The following PDZD2 variants were observed in gnomAD, a reference collection of about 807,000 sequenced individuals.
PDZD2 encodes PDZ domain-containing protein 2.
PDZD2 carries 90 observed loss-of-function variants against 220.7 expected under a neutral mutation model. That is an observed-to-expected ratio of 0.41 (90% CI 0.34 to 0.49). The LOEUF (loss-of-function observed/expected upper bound fraction) is 0.49. PDZD2 is among the 20% of genes least tolerant of loss of function. PDZD2 has a pLI of 0.28. For missense variants in PDZD2, 3,174 were observed against 3,608.5 expected, an observed-to-expected ratio of 0.88 and a Z score of 3.08; for synonymous variants, 1,375 against 1,450.5, an observed-to-expected ratio of 0.95 and a Z score of 1.18.
chr5:31,826,400 C>T (rs1017466134), intron 2 of PDZD2, among the ~76,000 whole-genome samples: 11 of 152,084 alleles, frequency 7.2e-5, no homozygotes, highest in African/African-American at 1.4e-4. Context: ...AGGCCAGCCA[C>T]GGTGGTTCAT....
At chr5:31,828,713 C>G (rs1262810755) in intron 2 of PDZD2, among the ~76,000 whole-genome samples, 1 of 152,200 alleles carries the variant, frequency 6.6e-6, no homozygotes, top group Non-Finnish European at 1.5e-5. Context: ...GTTTCCCATA[C>G]TGGTCTCAAA....
intron 1 of PDZD2, among the ~76,000 whole-genome samples, chr5:31,645,482 G>C (rs554573206): frequency 6.6e-6 from 1 of 152,130 alleles, no homozygotes; most frequent in Admixed American, 6.5e-5. Context: ...GACTACAGGT[G>C]CGTGCCACCA....
Position 31,704,464 on chromosome 5 carries a change from A to G in PDZD2, c.-361+65027A>G, listed in dbSNP as rs74924844. 4.3e-3 allele frequency among the ~76,000 whole-genome samples: 662 copies of G among 152,280 alleles called. 5 individuals are homozygous for G. Among genetic ancestry groups the G allele is most frequent in the African/African-American group, 0.015 (624 of 41,540 alleles). On this transcript the variant is annotated intron_variant, in intron 1 of 24. Coordinates refer to ENST00000438447, the MANE Select transcript of PDZD2 (RefSeq NM_178140.4). ...AACAGCACACTGTGTGTACCTTCTC[A>G]TTTCAGTAAGGACCCTTCAAAATGT...
chr5:32,003,187 A>C (rs1267670578), intron 5 of PDZD2, among the ~76,000 whole-genome samples: 2 of 117,378 alleles, frequency 1.7e-5, no homozygotes, highest in African/African-American at 3.3e-5. Flanking sequence ...TACACCACAC[A>C]CACACTACAC....
chr5:31,786,121 A>C (rs1753364623), intron 1 of PDZD2, among the ~76,000 whole-genome samples: 1 of 152,088 alleles, frequency 6.6e-6, no homozygotes, highest in Admixed American at 6.6e-5. Flanking sequence ...TCCCACAGCA[A>C]GGCCTGGGAA....
chr5:32,084,210 C>G (rs1742234588), intron 19 of PDZD2, among the ~76,000 whole-genome samples: 1 of 152,224 alleles, frequency 6.6e-6, no homozygotes, highest in African/African-American at 2.4e-5. Context: ...AGTACGGTCT[C>G]CATGGGGATC....
At chr5:31,693,920 T>C (rs1468476924) in intron 1 of PDZD2, among the ~76,000 whole-genome samples, 1 of 152,166 alleles carries the variant, frequency 6.6e-6, no homozygotes, top group Non-Finnish European at 1.5e-5. Context: ...AACTCCTTCC[T>C]GCTTCCCAGG....
chr5:31,901,139 C>T (rs956495815), intron 2 of PDZD2, among the ~76,000 whole-genome samples: 10 of 152,036 alleles, frequency 6.6e-5, no homozygotes, highest in Non-Finnish European at 1.3e-4. Flanking sequence ...TGACTTTGGC[C>T]GGGCATGGTG....
At chr5:31,655,065 A>G (rs1340800280) in intron 1 of PDZD2, among the ~76,000 whole-genome samples, 1 of 152,144 alleles carries the variant, frequency 6.6e-6, no homozygotes, top group African/African-American at 2.4e-5. Flanking sequence ...GGTCTGATTC[A>G]AATGTCACCA....
At chr5:32,079,584 A>T (rs1407291320) in intron 19 of PDZD2, among the ~76,000 whole-genome samples, 1 of 151,982 alleles carries the variant, frequency 6.6e-6, no homozygotes, top group Non-Finnish European at 1.5e-5. Flanking sequence ...AGGTGGGTGG[A>T]TCCCCCGAGG....
At position 32,087,223 on chromosome 5, in the gene PDZD2, G is replaced by A; in HGVS notation, c.3775G>A (p.Val1259Ile). The A allele has an allele frequency of 6.2e-7, 1 of 1,614,094 alleles. No individual in the cohort carries two copies. Among genetic ancestry groups the A allele is most frequent in the Non-Finnish European group, 8.5e-7 (1 of 1,179,970 alleles). The change falls in exon 20 of 25, where the codon GTC becomes ATC. Residue 1259 changes from valine (V) to isoleucine (I), a missense_variant. Physicochemically the swap from Val to Ile is conservative, Grantham distance 29. Around this residue, in one of 4 missense-constraint regions of PDZD2, gnomAD observed 1,861 missense variants for 2,001.0 expected, o/e 0.93. Transcript: ENST00000438447. The surrounding 1 kb of genome is among the most constrained non-coding windows in gnomAD (Gnocchi z 4.0). ...CAAGACCTCTGTAGACACAGGGCAA[G>A]TCAGTCGGCCAGAGAATCCCAGCCA... ...PSKTSVDTGQ[V>I]SRPENPSQPA... is the part of the protein sequence containing the mutation.
At position 31,839,946 on chromosome 5, in the gene PDZD2, G is replaced by A. The variant is rs139802031; in HGVS notation, c.476+40222G>A. On this transcript the variant is annotated intron_variant, in intron 2 of 24. Transcript: ENST00000438447. ...TTCTGCCATGATTGTTAAGTTTCCT[G>A]TGGCCTCCCCAGCCACGTGGAACTG... is the stretch of plus-strand genomic sequence containing the variant. Among the ~76,000 whole-genome samples, 920 of 152,262 alleles carry A rather than the reference G, an allele frequency of 6.0e-3. 6 individuals are homozygous for A. Among genetic ancestry groups the A allele is most frequent in the African/African-American group, 0.022 (896 of 41,532 alleles).
At chr5:31,881,615 C>T (rs978267371) in intron 2 of PDZD2, among the ~76,000 whole-genome samples, 12 of 150,368 alleles carry the variant, frequency 8.0e-5, no homozygotes, top group South Asian at 2.1e-4. Context: ...TGACCTCAGG[C>T]GATCCACCCA....
At chr5:31,993,115 C>T (rs1400730579) in intron 3 of PDZD2, among the ~76,000 whole-genome samples, 2 of 152,044 alleles carry the variant, frequency 1.3e-5, no homozygotes, top group Non-Finnish European at 2.9e-5. Flanking sequence ...TGAGAGACTT[C>T]GAAGGCCAGG....
At chr5:31,709,494 T>A (rs11322899) in intron 1 of PDZD2, among the ~76,000 whole-genome samples, 20,161 of 71,848 alleles carry the variant, frequency 0.28, 1,495 homozygotes, top group East Asian at 0.35. Context: ...GGAAAAAAAA[T>A]AAAATAAAAG....
intron 1 of PDZD2, among the ~76,000 whole-genome samples, chr5:31,741,169 G>A (rs61519162): frequency 0.18 from 27,584 of 150,012 alleles, 2,598 homozygotes; most frequent in East Asian, 0.22. Context: ...TGCACTTATA[G>A]TCAGATCTTG....
At chr5:31,859,187 T>TA (rs1397612137) in intron 2 of PDZD2, among the ~76,000 whole-genome samples, 2 of 152,024 alleles carry the variant, frequency 1.3e-5, no homozygotes, top group Middle Eastern at 3.2e-3. Context: ...AAACTATCCT[T>TA]AAAAAAACAT....
At chr5:31,805,037 T>C (rs1754630895) in intron 2 of PDZD2, among the ~76,000 whole-genome samples, 1 of 151,982 alleles carries the variant, frequency 6.6e-6, no homozygotes, top group Admixed American at 6.6e-5. Flanking sequence ...CTACTACAAA[T>C]ACAAAAAATT....
intron 1 of PDZD2, among the ~76,000 whole-genome samples, chr5:31,666,669 C>G (rs925922927): frequency 6.6e-6 from 1 of 152,204 alleles, no homozygotes; most frequent in Non-Finnish European, 1.5e-5. Context: ...TCTTATTCTA[C>G]GCTCCAGTCT....
Sources: allele counts gnomAD v4.1 joint callset (sites outside exome capture counted in the v4.1 genomes callset), GRCh38; gene constraint gnomAD v4.1.1; regional missense constraint gnomAD v4.1.1; non-coding constraint Gnocchi (gnomAD v3.1); transcripts MANE v1.5; gene names NCBI Gene and HGNC (gene_info 2026-07-23, HGNC 2026-07-21).